Variants in PLCE1 observed in about 807,000 individuals in gnomAD.
PLCE1 encodes phospholipase C epsilon 1.
Under a neutral mutation model 242.8 loss-of-function variants are expected in PLCE1, and 119 were observed. The observed-to-expected ratio is 0.49, with a 90% confidence interval of 0.42 to 0.57. The LOEUF is 0.57. Ranked by LOEUF, PLCE1 falls within the 20% of genes least tolerant of loss-of-function variation. The pLI, the probability that PLCE1 is intolerant of heterozygous loss-of-function variation, is 0.00. For synonymous variants in PLCE1, 945 were observed against 1,017.4 expected, an observed-to-expected ratio of 0.93 and a Z score of 1.35; for missense variants, 2,441 against 2,788.8, an observed-to-expected ratio of 0.88 and a Z score of 2.81.
At chr10:94,207,662 C>A (rs1439895905) in intron 4 of PLCE1, among the ~76,000 whole-genome samples, 1 of 151,716 alleles carries the variant, frequency 6.6e-6, no homozygotes, top group African/African-American at 2.4e-5. Flanking sequence ...AAATACCATT[C>A]TTTACTAAAA....
At chr10:94,314,432 T>C (rs997069748) in intron 28 of PLCE1, among the ~76,000 whole-genome samples, 1 of 152,074 alleles carries the variant, frequency 6.6e-6, no homozygotes, top group Non-Finnish European at 1.5e-5. Flanking sequence ...ACCCCATCTC[T>C]ACTAAAAATA....
intron 20 of PLCE1, among the ~76,000 whole-genome samples, chr10:94,281,553 A>G (rs1389396473): frequency 6.6e-6 from 1 of 152,192 alleles, no homozygotes; most frequent in Non-Finnish European, 1.5e-5. Context: ...GAGGTGGAGT[A>G]TCATTGGAAA....
chr10:94,262,679 G>C lies in PLCE1; in HGVS notation c.4000G>C (p.Val1334Leu), dbSNP rs61886335. The change falls in exon 14 of 33, where the codon GTG becomes CTG. Residue 1334 changes from valine (V) to leucine (L), a missense_variant. This residue lies in a region of PLCE1 where 1,004 missense variants were observed against 1,322.7 expected (regional missense o/e 0.76). Transcript: ENST00000371380. Reference sequence around the variant, plus strand: ...CATACTTCAGCTCAACGATTTCCTCGTGAATTGCCAAGGAGAACACTGCAC... The same window carrying C: ...CATACTTCAGCTCAACGATTTCCTCCTGAATTGCCAAGGAGAACACTGCAC... ...VGILQLNDFL[V>L]NCQGEHCTYD... 6.2e-7 allele frequency: 1 copy of C among 1,614,026 alleles called. No homozygotes were observed. The highest frequency in any genetic ancestry group is 8.5e-7 in the Non-Finnish European group (1 of 1,179,962).
At chr10:94,255,910 ACACACTCTCTCTCTCTCTCTCT>A (rs1409144747) in intron 11 of PLCE1, among the ~76,000 whole-genome samples, 44 of 92,050 alleles carry the variant, frequency 4.8e-4, no homozygotes, top group African/African-American at 2.0e-3. Context: ...ACACACACAC[ACACACTCTCTCTCTCTCTCTCT>A]CTCTCTCTCT....
chr10:94,204,748 G>GAGGGAGGA (rs1554883695), intron 4 of PLCE1, among the ~76,000 whole-genome samples: 26 of 122,446 alleles, frequency 2.1e-4, no homozygotes, highest in South Asian at 6.1e-4. Context: ...AGAAGGGAGG[G>GAGGGAGGA]AGGAAGGAAG....
intron 3 of PLCE1, among the ~76,000 whole-genome samples, chr10:94,157,942 G>A (rs548545853): frequency 1.3e-5 from 2 of 152,134 alleles, no homozygotes; most frequent in Non-Finnish European, 2.9e-5. Context: ...CTGCTAATGG[G>A]AATAATAACA....
chr10:94,122,384 G>A (rs976097440), intron 2 of PLCE1, among the ~76,000 whole-genome samples: 6 of 152,100 alleles, frequency 3.9e-5, no homozygotes. Flanking sequence ...TTTTCGAGAG[G>A]CTCCCTTGGC....
At chr10:94,187,574 TG>T (rs1367470106) in intron 4 of PLCE1, among the ~76,000 whole-genome samples, 6 of 152,082 alleles carry the variant, frequency 3.9e-5, no homozygotes, top group African/African-American at 1.4e-4. Context: ...GTAGAGGAGG[TG>T]GGTCTGGGCC....
intron 2 of PLCE1, among the ~76,000 whole-genome samples, chr10:94,117,256 T>C (rs1237190891): frequency 6.6e-6 from 1 of 152,122 alleles, no homozygotes; most frequent in Non-Finnish European, 1.5e-5. Flanking sequence ...GGGCCATGAG[T>C]GACAGAACCC....
intron 1 of PLCE1, among the ~76,000 whole-genome samples, chr10:94,008,852 G>A (rs2061105303): frequency 6.6e-6 from 1 of 152,246 alleles, no homozygotes; most frequent in South Asian, 2.1e-4. Context: ...TTAGAGGAAG[G>A]AGACCTATTC....
chr10:94,233,906 C>A, intron 5 of PLCE1, 148 bp from the exon 6 acceptor site: 1 of 695,946 alleles, frequency 1.4e-6, no homozygotes, highest in Non-Finnish European at 2.5e-6. Flanking sequence ...CAAGATCGCA[C>A]CACTGCACTC....
In PLCE1 at chr10:94,031,363, GCAA is replaced by G; in HGVS notation, c.323_325del (p.Asn108del). 6.2e-7 allele frequency: 1 copy of G among 1,613,830 alleles called. No homozygotes were observed. Among genetic ancestry groups the G allele is most frequent in the South Asian group, 1.1e-5 (1 of 91,074 alleles). ...TCTGCGAAAAACCTTAACATTAACT[GCAA>G]CAACATATTGAGAAACCATCAGCAT... On this transcript the variant is annotated inframe_deletion, in exon 2 of 33. Transcript: ENST00000371380.
At chr10:94,098,996 A>G (rs889540202) in intron 2 of PLCE1, among the ~76,000 whole-genome samples, 7 of 152,226 alleles carry the variant, frequency 4.6e-5, no homozygotes, top group African/African-American at 1.7e-4. Flanking sequence ...AAATGCAGGC[A>G]AAGTGGAAGT....
Position 94,228,249 on chromosome 10 carries a change from C to T in PLCE1, c.1955+798C>T, listed in dbSNP as rs552353406. ...TGGCATAAAGTAACTGTTCTTACTC[C>T]TGTGGGAGGCAGCATGGTATGTGAG... On this transcript the variant is annotated intron_variant, in intron 5 of 32. Coordinates refer to ENST00000371380, the MANE Select transcript of PLCE1 (RefSeq NM_016341.4). Among the ~76,000 whole-genome samples the T allele has an allele frequency of 4.6e-5, 7 of 152,248 alleles. No homozygotes were observed. The South Asian group carries it at 1.2e-3, about 27-fold the overall frequency.
At chr10:94,154,908 A>T (rs1016437646) in intron 3 of PLCE1, among the ~76,000 whole-genome samples, 5 of 147,936 alleles carry the variant, frequency 3.4e-5, no homozygotes, top group African/African-American at 7.4e-5. Context: ...ATATATATAT[A>T]TATTTATTTA....
intron 3 of PLCE1, among the ~76,000 whole-genome samples, chr10:94,158,291 A>G (rs1306412377): frequency 6.6e-6 from 1 of 152,132 alleles, no homozygotes; most frequent in Non-Finnish European, 1.5e-5. Context: ...ATTGTCACCA[A>G]AAACACTCCA....
At chr10:94,250,279 A>C (rs1178859318) in intron 8 of PLCE1, among the ~76,000 whole-genome samples, 1 of 152,102 alleles carries the variant, frequency 6.6e-6, no homozygotes, top group Non-Finnish European at 1.5e-5. Flanking sequence ...AAGTGGGTGG[A>C]TCACTTGAGG....
chr10:94,062,591 T>TG (rs1409582577), intron 2 of PLCE1, among the ~76,000 whole-genome samples: 2 of 113,162 alleles, frequency 1.8e-5, no homozygotes, highest in Admixed American at 7.7e-5. Context: ...TGTTTTTTTT[T>TG]TTGTTTTGTT....
At chr10:94,087,258 G>GA (rs1324491067) in intron 2 of PLCE1, among the ~76,000 whole-genome samples, 1 of 146,640 alleles carries the variant, frequency 6.8e-6, no homozygotes, top group Non-Finnish European at 1.5e-5. Flanking sequence ...GCTGAGGTGG[G>GA]AAAATCACTT....
Sources: allele counts gnomAD v4.1 joint callset (sites outside exome capture counted in the v4.1 genomes callset), GRCh38; gene constraint gnomAD v4.1.1; regional missense constraint gnomAD v4.1.1; transcripts MANE v1.5; gene names NCBI Gene and HGNC (gene_info 2026-07-23, HGNC 2026-07-21).